The following NCAPG variants were observed in gnomAD, a reference collection of about 807,000 sequenced individuals.
NCAPG encodes non-SMC condensin I complex subunit G.
Under a neutral mutation model 113.1 loss-of-function variants are expected in NCAPG, and 69 were observed. The observed-to-expected ratio is 0.61, with a 90% CI of 0.50 to 0.75. NCAPG has a LOEUF of 0.75. NCAPG is among the 30% of genes least tolerant of loss of function. The pLI is 0.00. For missense variants in NCAPG, 1,058 were observed against 1,177.0 expected (o/e 0.90, Z 1.48); for synonymous variants, 370 against 415.8 (o/e 0.89, Z 1.34).
At position 17,842,486 on chromosome 4, in the gene NCAPG, T is replaced by C. The variant is rs146105883; in HGVS notation, c.2924+107T>C. 27 of 843,128 alleles carry C rather than the reference T, an allele frequency of 3.2e-5. No individual in the cohort carries two copies. The East Asian group carries it at 5.1e-4, about 16-fold the overall frequency. The allele number at this position is 843,128 out of a possible 1,614,324, so 52.2% of individuals were successfully genotyped here. ...GAATGAGAGAGAATATATAACAAGA[T>C]AGTGAAAACTATAAATAGCTGTCTT... On this transcript the variant is annotated intron_variant, in intron 20 of 20. Coordinates refer to ENST00000251496, the MANE Select transcript of NCAPG (RefSeq NM_022346.5).
At chr4:17,838,503 G>C (rs1417417817) in intron 16 of NCAPG, among the ~76,000 whole-genome samples, 1 of 152,214 alleles carries the variant, frequency 6.6e-6, no homozygotes, top group African/African-American at 2.4e-5. Context: ...ACAAGGGCAA[G>C]AGTCATGTGG....
At chr4:17,833,634 A>AT (rs1229973343) in intron 13 of NCAPG, among the ~76,000 whole-genome samples, 1 of 151,368 alleles carries the variant, frequency 6.6e-6, no homozygotes, top group Non-Finnish European at 1.5e-5. Flanking sequence ...ATATATATAT[A>AT]TTTTTTGTAA....
chr4:17,844,779 C>G lies in NCAPG; in HGVS notation c.*1354C>G. On this transcript the variant is annotated 3_prime_UTR_variant, in exon 21 of 21. Transcript: ENST00000251496. ...CCCATTCACACATGGCCAGGCTATC[C>G]AAAAAGAAAGGAGCCATGTTCTCAT... 6.6e-6 allele frequency: 1 copy of G among 152,380 alleles called. No homozygotes were observed. The allele number at this position is 152,380 out of a possible 1,614,324, so 9.4% of individuals were successfully genotyped here. A position where few individuals can be genotyped will look rare whatever the true frequency, so the allele number is the denominator to read the frequency against.
At chr4:17,837,520 A>G (rs2109064193) in intron 15 of NCAPG, 107 bp from the exon 16 acceptor site, 1 of 1,354,426 alleles carries the variant, frequency 7.4e-7, no homozygotes, top group Non-Finnish European at 1.0e-6. Flanking sequence ...TTCCTAGATG[A>G]AAATGCACTT....
chr4:17,822,551 C>G (rs995355019), intron 7 of NCAPG, among the ~76,000 whole-genome samples: 1 of 152,040 alleles, frequency 6.6e-6, no homozygotes. Context: ...TTGATAGATG[C>G]TTCTTGACTT....
intron 13 of NCAPG, 80 bp downstream of exon 13, chr4:17,831,196 C>A: frequency 1.4e-6 from 2 of 1,396,656 alleles, no homozygotes; most frequent in South Asian, 1.4e-5. Context: ...CTGAATTTAT[C>A]TATTCTGATT....
At chr4:17,821,618 C>T (rs1721460447) in intron 7 of NCAPG, among the ~76,000 whole-genome samples, 1 of 151,850 alleles carries the variant, frequency 6.6e-6, no homozygotes, top group Admixed American at 6.6e-5. Context: ...TGCCTGCCAC[C>T]ACATTTGGCT....
chr4:17,822,582 G>A (rs1166783940), intron 7 of NCAPG, among the ~76,000 whole-genome samples: 1 of 152,166 alleles, frequency 6.6e-6, no homozygotes, highest in Non-Finnish European at 1.5e-5. Flanking sequence ...TATGTCATAA[G>A]TCAAATGAGT....
intron 7 of NCAPG, 45 bp from the exon 8 acceptor site, chr4:17,822,938 G>A (rs1721518107): frequency 2.0e-6 from 3 of 1,496,864 alleles, no homozygotes; most frequent in Non-Finnish European, 2.7e-6. Flanking sequence ...ACTCTTGTTT[G>A]ATGTTTCTTA....
intron 3 of NCAPG, among the ~76,000 whole-genome samples, chr4:17,813,925 G>A (rs1247744040): frequency 6.6e-6 from 1 of 151,770 alleles, no homozygotes; most frequent in Non-Finnish European, 1.5e-5. Flanking sequence ...TATAGTAGTT[G>A]GTATTTTTTT....
rs958203064 is a variant in NCAPG at position 17,811,920 on chromosome 4, G to T, written c.112-301G>T. 1.3e-5 allele frequency among the ~76,000 whole-genome samples: 2 copies of T among 152,166 alleles called. No individual in the cohort carries two copies. The highest frequency in any genetic ancestry group is 4.8e-5 in the African/African-American group (2 of 41,436). ...CCAGTATTGATTTTGGGTTGTTGAAGAAGCGTATTTGTAACGTACTGGTAC... is the reference window on the plus strand; with the variant it reads ...CCAGTATTGATTTTGGGTTGTTGAATAAGCGTATTTGTAACGTACTGGTAC... On this transcript the variant is annotated intron_variant, in intron 1 of 20. Coordinates refer to ENST00000251496, the MANE Select transcript of NCAPG (RefSeq NM_022346.5). The surrounding 1 kb of genome is among the most constrained non-coding windows in gnomAD (Gnocchi z 5.3).
In NCAPG at chr4:17,814,976, C is replaced by T; in HGVS notation, c.668C>T (p.Ala223Val). ...IVGRTKDVKE[A>V]VRKLAYQVLA... Reference sequence around the variant, plus strand: ...GGGCGCACCAAGGATGTGAAAGAGGCTGTCAGAAAGCTGGCTTATCAGGTA... The same window carrying T: ...GGGCGCACCAAGGATGTGAAAGAGGTTGTCAGAAAGCTGGCTTATCAGGTA... Residue 223 changes from alanine to valine, a missense_variant, in exon 4 of 21, where the codon GCT becomes GTT. Physicochemically the swap from Ala to Val is moderately conservative, Grantham distance 64. Transcript: ENST00000251496. 6.2e-7 allele frequency: 1 copy of T among 1,614,166 alleles called. No homozygotes were observed. Among genetic ancestry groups the T allele is most frequent in the Non-Finnish European group, 8.5e-7 (1 of 1,180,028 alleles).
rs1722496736 is a variant in NCAPG at position 17,842,391 on chromosome 4, A to C, written c.2924+12A>C. On this transcript the variant is annotated intron_variant, in intron 20 of 20. Coordinates refer to ENST00000251496, the MANE Select transcript of NCAPG (RefSeq NM_022346.5). ...GCCGACTCTGAAAGGTATGTCATGC[A>C]TGTCTAGAATATATGGAGGCCTATC... 13 of 1,608,390 alleles carry C rather than the reference A, an allele frequency of 8.1e-6. No individual in the cohort carries two copies. The highest frequency in any genetic ancestry group is 1.1e-5 in the Non-Finnish European group (13 of 1,175,274).
In NCAPG at chr4:17,843,695, T is replaced by G. The variant is rs1322316535; in HGVS notation, c.*270T>G. ...ATTTTTAAATAGTCTCTCCAAGTGATTCTTATGAACTCTTTATGTTTAAAA... is the reference window on the plus strand; with the variant it reads ...ATTTTTAAATAGTCTCTCCAAGTGAGTCTTATGAACTCTTTATGTTTAAAA... On this transcript the variant is annotated 3_prime_UTR_variant, in exon 21 of 21. Coordinates refer to ENST00000251496, the MANE Select transcript of NCAPG (RefSeq NM_022346.5). 7.9e-6 allele frequency: 2 copies of G among 252,994 alleles called. No individual in the cohort carries two copies. Among genetic ancestry groups the G allele is most frequent in the Non-Finnish European group, 1.6e-5 (2 of 128,132 alleles). The allele number at this position is 252,994 out of a possible 1,614,324, so 15.7% of individuals were successfully genotyped here.
At chr4:17,819,537 G>A (rs1210554616) in intron 7 of NCAPG, among the ~76,000 whole-genome samples, 3 of 152,058 alleles carry the variant, frequency 2.0e-5, no homozygotes, top group Admixed American at 6.5e-5. Flanking sequence ...GAGTAGCTGG[G>A]ACTACAGGCA....
chr4:17,832,119 A>G (rs141376266), intron 13 of NCAPG, among the ~76,000 whole-genome samples: 2 of 152,328 alleles, frequency 1.3e-5, no homozygotes, highest in African/African-American at 4.8e-5. Flanking sequence ...TAATTTTCAC[A>G]TGTAATACAT....
Position 17,840,104 on chromosome 4 carries a change from G to T in NCAPG, c.2662G>T (p.Glu888Ter). The T allele has an allele frequency of 6.2e-7, 1 of 1,611,194 alleles. No homozygotes were observed. Among genetic ancestry groups the T allele is most frequent in the South Asian group, 1.1e-5 (1 of 90,520 alleles). The part of the protein sequence containing the change: ...VKDRTCLRAL[E>*]KIKIQLEKGN... ...AGATAGGACATGTCTGAGAGCTTTG[G>T]AGAAAATCAAGATTCAGTTAGAAAA... is the stretch of plus-strand genomic sequence containing the variant. Residue 888 changes from glutamate (E) to a stop codon, truncating the protein, a stop_gained, in exon 18 of 21, where the codon GAG becomes TAG. Transcript: ENST00000251496. LOFTEE classifies it high-confidence loss of function.
intron 7 of NCAPG, among the ~76,000 whole-genome samples, 173 bp from the exon 8 acceptor site, chr4:17,822,810 C>T (rs763721907): frequency 1.3e-5 from 2 of 152,058 alleles, no homozygotes; most frequent in Non-Finnish European, 2.9e-5. Flanking sequence ...AGTTTGTTTG[C>T]AAAAGTTAAT....
At position 17,834,748 on chromosome 4, in the gene NCAPG, C is replaced by T. The variant is rs145748071; in HGVS notation, c.2109+225C>T. 2.6e-5 allele frequency among the ~76,000 whole-genome samples: 4 copies of T among 152,234 alleles called. No individual in the cohort carries two copies. The East Asian group carries it at 7.7e-4, about 29-fold the overall frequency. ...CTATCCCTCCCCTACCCCCCTATCCCCTGATAGGTCCCAGTGTGTGATGTT... is the reference window on the plus strand; with the variant it reads ...CTATCCCTCCCCTACCCCCCTATCCTCTGATAGGTCCCAGTGTGTGATGTT... On this transcript the variant is annotated intron_variant, in intron 14 of 20. Coordinates refer to ENST00000251496, the MANE Select transcript of NCAPG (RefSeq NM_022346.5).
Sources: allele counts gnomAD v4.1 joint callset (sites outside exome capture counted in the v4.1 genomes callset), GRCh38; gene constraint gnomAD v4.1.1; non-coding constraint Gnocchi (gnomAD v3.1); transcripts MANE v1.5; gene names NCBI Gene and HGNC (gene_info 2026-07-23, HGNC 2026-07-21).